NTN1: variants seen among roughly 807,000 people sequenced by gnomAD.
The protein encoded by NTN1 is netrin-1.
NTN1 carries 11 observed loss-of-function variants against 54.2 expected under a neutral mutation model. That is an observed-to-expected ratio of 0.20 (90% CI 0.13 to 0.34). The LOEUF (loss-of-function observed/expected upper bound fraction) is 0.34, where lower values mean the gene tolerates loss of function less well. Ranked by LOEUF, NTN1 falls within the 10% of genes least tolerant of loss-of-function variation. The pLI, the probability that NTN1 is intolerant of heterozygous loss-of-function variation, is 1.00. For missense variants in NTN1, 740 were observed against 893.1 expected (o/e 0.83, Z 2.18); for synonymous variants, 371 against 382.0 (o/e 0.97, Z 0.33).
rs1483023085 is a variant in NTN1 at position 9,239,435 on chromosome 17, A to G, written c.1487-205A>G. Among the ~76,000 whole-genome samples the G allele has an allele frequency of 6.6e-6, 1 of 152,146 alleles. No homozygotes were observed. The highest frequency in any genetic ancestry group is 6.5e-5 in the Admixed American group (1 of 15,280). ...CGGCAGTGCTGGGTGGCACCCTCAC[A>G]GCGTGGGAGGCAAGGCTTCTTGGCC... On this transcript the variant is annotated intron_variant, in intron 6 of 6. Transcript: ENST00000173229. The surrounding 1 kb of genome is among the most constrained non-coding windows in gnomAD (Gnocchi z 5.2).
chr17:9,059,519 C>T lies in NTN1; in HGVS notation c.1018+36128C>T, dbSNP rs562310497. On this transcript the variant is annotated intron_variant, in intron 2 of 6. Coordinates refer to ENST00000173229, the MANE Select transcript of NTN1 (RefSeq NM_004822.3). ...AATGAAGTACAACTTATATATGCTA[C>T]AGTGTGAAGGAACCACAGAAACAGT... Among the ~76,000 whole-genome samples the T allele has an allele frequency of 5.9e-5, 9 of 152,266 alleles. No individual in the cohort carries two copies. The South Asian group carries it at 1.9e-3, about 32-fold the overall frequency.
intron 5 of NTN1, chr17:9,183,403 A>G: frequency 4.5e-6 from 2 of 444,342 alleles, no homozygotes. Flanking sequence ...GGCGTGGGGG[A>G]GAATCACATC....
chr17:9,101,626 T>C (rs905900476), intron 2 of NTN1, among the ~76,000 whole-genome samples: 2 of 152,160 alleles, frequency 1.3e-5, no homozygotes, highest in African/African-American at 4.8e-5. Flanking sequence ...TTTAGCCTTG[T>C]CTTATACAAC....
chr17:9,023,433 G>A (rs1488513560), intron 2 of NTN1, 42 bp downstream of exon 2: 1 of 1,342,124 alleles, frequency 7.5e-7, no homozygotes. Flanking sequence ...GGGTGGGGCC[G>A]CGGGCGGGAG....
At chr17:9,105,606 G>T (rs1230769676) in intron 2 of NTN1, among the ~76,000 whole-genome samples, 1 of 152,088 alleles carries the variant, frequency 6.6e-6, no homozygotes, top group Non-Finnish European at 1.5e-5. Context: ...TGAGAAACAG[G>T]ATTTTCTCCT....
intron 2 of NTN1, among the ~76,000 whole-genome samples, chr17:9,064,722 C>T (rs2092009474): frequency 6.6e-6 from 1 of 152,154 alleles, no homozygotes; most frequent in African/African-American, 2.4e-5. Context: ...TGGTTTCCTG[C>T]TTCCACTAGC....
At chr17:9,183,496 C>G (rs1176841175) in intron 5 of NTN1, 1 of 366,606 alleles carries the variant, frequency 2.7e-6, no homozygotes, top group East Asian at 7.7e-5. Flanking sequence ...TGCGGCCAAG[C>G]CTGCACCGTG....
chr17:9,172,414 G>C (rs1015124914), intron 3 of NTN1, among the ~76,000 whole-genome samples: 2 of 152,012 alleles, frequency 1.3e-5, no homozygotes, highest in African/African-American at 4.8e-5. Context: ...GGGAGGCGGA[G>C]CTTGCAGTGA....
intron 2 of NTN1, among the ~76,000 whole-genome samples, chr17:9,131,432 CTGAA>C (rs540491936): frequency 6.6e-5 from 10 of 152,080 alleles, no homozygotes; most frequent in South Asian, 2.1e-4. Flanking sequence ...GAAATATTTG[CTGAA>C]TGAATGAATG....
At chr17:9,058,866 A>G (rs867855622) in intron 2 of NTN1, among the ~76,000 whole-genome samples, 2 of 152,048 alleles carry the variant, frequency 1.3e-5, no homozygotes, top group Admixed American at 1.3e-4. Flanking sequence ...AGAGGCAGAC[A>G]GTAGAGTGGT....
chr17:9,056,201 C>A (rs570764402), intron 2 of NTN1, among the ~76,000 whole-genome samples: 1 of 152,314 alleles, frequency 6.6e-6, no homozygotes, highest in African/African-American at 2.4e-5. Context: ...GGATTACAGG[C>A]ATGTGCCACC....
chr17:9,071,489 T>TAA (rs150147495), intron 2 of NTN1, among the ~76,000 whole-genome samples: 1 of 147,870 alleles, frequency 6.8e-6, no homozygotes, highest in Non-Finnish European at 1.5e-5. Context: ...GTTTAAAAAT[T>TAA]AAAAAAAAAA....
intron 6 of NTN1, among the ~76,000 whole-genome samples, chr17:9,234,964 G>GCT (rs1555580090): frequency 2.3e-5 from 3 of 130,072 alleles, no homozygotes; most frequent in Non-Finnish European, 4.7e-5. Context: ...TTGTTTTTTG[G>GCT]TTTTTTTTTT....
chr17:9,130,396 C>G (rs1049881179), intron 2 of NTN1, among the ~76,000 whole-genome samples: 7 of 152,078 alleles, frequency 4.6e-5, no homozygotes, highest in African/African-American at 1.7e-4. Flanking sequence ...TGCACCTGTT[C>G]CCTCCCTTTC....
chr17:9,097,728 A>G (rs2092136630), intron 2 of NTN1, among the ~76,000 whole-genome samples: 1 of 152,214 alleles, frequency 6.6e-6, no homozygotes, highest in Non-Finnish European at 1.5e-5. Flanking sequence ...TAGAAAGCAC[A>G]CTATTCATGC....
intron 6 of NTN1, among the ~76,000 whole-genome samples, chr17:9,226,437 C>T (rs112471232): frequency 1.5e-4 from 17 of 112,414 alleles, no homozygotes; most frequent in South Asian, 2.9e-4. Context: ...CGTGGGGAGG[C>T]GGTCTCGTGG....
chr17:9,204,232 T>TTCTCTTCCTCTCTTTCTCTCTC (rs1376954920), intron 5 of NTN1, among the ~76,000 whole-genome samples: 2 of 123,990 alleles, frequency 1.6e-5, no homozygotes, highest in Non-Finnish European at 3.3e-5. Context: ...TTTCTTTCTC[T>TTCTCTTCCTCTCTTTCTCTCTC]TCTCTTCCTC....
At chr17:9,048,620 G>C (rs186860240) in intron 2 of NTN1, among the ~76,000 whole-genome samples, 1 of 151,650 alleles carries the variant, frequency 6.6e-6, no homozygotes, top group Admixed American at 6.6e-5. Flanking sequence ...AAGCTGTTTT[G>C]TCTACACTGA....
intron 2 of NTN1, among the ~76,000 whole-genome samples, chr17:9,131,201 C>G (rs2092263957): frequency 1.3e-5 from 2 of 152,324 alleles, no homozygotes; most frequent in Middle Eastern, 3.4e-3. Context: ...AACAAGGGCT[C>G]CGTGATCACC....
Sources: gnomAD v4.1 joint callset for allele counts (sites outside exome capture counted in the v4.1 genomes callset) on GRCh38, gnomAD v4.1.1 for gene constraint, Gnocchi (gnomAD v3.1) non-coding constraint, MANE v1.5 for transcripts, NCBI Gene and HGNC (gene_info 2026-07-23, HGNC 2026-07-21) for gene names.